Variants in MTAP observed in about 807,000 individuals in gnomAD.
MTAP encodes S-methyl-5'-thioadenosine phosphorylase.
Under a neutral mutation model 33.6 loss-of-function variants are expected in MTAP, and 33 were observed. That is an observed-to-expected ratio of 0.98 (90% CI 0.74 to 1.31). The LOEUF (loss-of-function observed/expected upper bound fraction) is 1.31, where lower values mean the gene tolerates loss of function less well. Ranked by LOEUF, MTAP falls within the 40% of genes most tolerant of loss-of-function variation. The probability of loss-of-function intolerance (pLI) is 0.00; values close to 1 mark genes in which losing one functional copy is unlikely to be tolerated. For synonymous variants in MTAP, 148 were observed against 125.7 expected (o/e 1.18, Z -1.19); for missense variants, 367 against 360.0 (o/e 1.02, Z -0.16).
chr9:21,816,606 A>T lies in MTAP; in HGVS notation c.121-108A>T, dbSNP rs957063878. ...AGATCTTGCCTCTTCTCTAAGTTGTATCCTCAGACTCTTCAGATTCCATGA... is the reference window on the plus strand; with the variant it reads ...AGATCTTGCCTCTTCTCTAAGTTGTTTCCTCAGACTCTTCAGATTCCATGA... On this transcript the variant is annotated intron_variant, in intron 2 of 7. Transcript: ENST00000644715. 3.3e-5 allele frequency: 29 copies of T among 873,112 alleles called. No individual in the cohort carries two copies. The African/African-American group carries it at 5.0e-4, about 15-fold the overall frequency. The allele number at this position is 873,112 out of a possible 1,614,324, so 54.1% of individuals were successfully genotyped here.
At chr9:21,921,229 G>T (rs191771729) in intron 1 of MTAP, among the ~76,000 whole-genome samples, 1 of 151,632 alleles carries the variant, frequency 6.6e-6, no homozygotes, top group South Asian at 2.1e-4. Context: ...ATGATTCTTT[G>T]TATTTCTGTG....
intron 1 of MTAP, among the ~76,000 whole-genome samples, chr9:21,910,348 A>G (rs937300304): frequency 6.6e-6 from 1 of 152,194 alleles, no homozygotes; most frequent in Non-Finnish European, 1.5e-5. Context: ...TATATAGTAT[A>G]TTTGAAAGTG....
intron 1 of MTAP, among the ~76,000 whole-genome samples, chr9:21,919,872 C>G (rs1483662098): frequency 6.6e-6 from 1 of 152,112 alleles, no homozygotes; most frequent in Non-Finnish European, 1.5e-5. Context: ...GTGTGGCTTG[C>G]TGCCAGCACT....
chr9:21,895,303 T>C (rs1818272198), intron 1 of MTAP, among the ~76,000 whole-genome samples: 1 of 152,108 alleles, frequency 6.6e-6, no homozygotes, highest in South Asian at 2.1e-4. Flanking sequence ...GTAACCAAAA[T>C]AGCATGGTAC....
At chr9:21,819,069 G>A (rs186705523) in intron 4 of MTAP, among the ~76,000 whole-genome samples, 2 of 151,756 alleles carry the variant, frequency 1.3e-5, no homozygotes, top group South Asian at 4.2e-4. Context: ...CCATGTTGTG[G>A]CAATTGACAG....
intron 1 of MTAP, among the ~76,000 whole-genome samples, chr9:21,810,913 CAGTT>C (rs1824329459): frequency 1.3e-5 from 2 of 152,330 alleles, no homozygotes; most frequent in South Asian, 2.1e-4. Context: ...CAGCCTGAGA[CAGTT>C]GGTTGCTCCC....
intron 5 of MTAP, among the ~76,000 whole-genome samples, chr9:21,845,654 C>T (rs1387874022): frequency 6.6e-6 from 1 of 152,048 alleles, no homozygotes; most frequent in East Asian, 1.9e-4. Flanking sequence ...CACCATCATT[C>T]TTCACAGAAA....
At chr9:21,867,605 T>C (rs1044167501), downstream of MTAP, among the ~76,000 whole-genome samples, 1 of 152,144 alleles carries the variant, frequency 6.6e-6, no homozygotes, top group Non-Finnish European at 1.5e-5. Flanking sequence ...GACAGATTGG[T>C]CTGTGATTTT....
chr9:21,910,333 T>G (rs1324626426), intron 1 of MTAP, among the ~76,000 whole-genome samples: 1 of 151,040 alleles, frequency 6.6e-6, no homozygotes, highest in Non-Finnish European at 1.5e-5. Flanking sequence ...AAAAAAGAAA[T>G]AAATTATATA....
intron 1 of MTAP, among the ~76,000 whole-genome samples, chr9:21,872,168 A>G (rs1825946893): frequency 6.6e-6 from 1 of 152,134 alleles, no homozygotes; most frequent in African/African-American, 2.4e-5. Flanking sequence ...CAAAAATTAA[A>G]CAGGCATGAT....
chr9:21,825,415 A>G (rs1397120530), intron 4 of MTAP, among the ~76,000 whole-genome samples: 1 of 152,180 alleles, frequency 6.6e-6, no homozygotes. Flanking sequence ...ATCATGTGGT[A>G]GTTGATATTT....
chr9:21,885,012 G>A (rs1818087003), intron 1 of MTAP, among the ~76,000 whole-genome samples: 1 of 152,134 alleles, frequency 6.6e-6, no homozygotes, highest in African/African-American at 2.4e-5. Flanking sequence ...AGAATATATG[G>A]TGGGAAGGGC....
chr9:21,821,027 T>G (rs180697389), intron 4 of MTAP, among the ~76,000 whole-genome samples: 325 of 152,356 alleles, frequency 2.1e-3, no homozygotes, highest in African/African-American at 7.6e-3. Flanking sequence ...GATTTTGGGC[T>G]GAGACGATGG....
At chr9:21,878,649 A>G (rs901762639) in intron 1 of MTAP, among the ~76,000 whole-genome samples, 1 of 152,148 alleles carries the variant, frequency 6.6e-6, no homozygotes, top group African/African-American at 2.4e-5. Flanking sequence ...GGCATGAGCC[A>G]CTGCACCCAG....
chr9:21,819,416 T>C (rs1056195424), intron 4 of MTAP, among the ~76,000 whole-genome samples: 2 of 152,200 alleles, frequency 1.3e-5, no homozygotes, highest in South Asian at 2.1e-4. Flanking sequence ...TTGGGATACT[T>C]TGCTGAGAAT....
chr9:21,869,585 T>G (rs1284380584), downstream of MTAP, among the ~76,000 whole-genome samples: 1 of 152,192 alleles, frequency 6.6e-6, no homozygotes, highest in Non-Finnish European at 1.5e-5. Flanking sequence ...CAACTTCCCC[T>G]ACACCTGCTT....
At chr9:21,849,304 C>T (rs933105406) in intron 5 of MTAP, among the ~76,000 whole-genome samples, 1 of 152,164 alleles carries the variant, frequency 6.6e-6, no homozygotes, top group African/African-American at 2.4e-5. Flanking sequence ...AATAATCAGA[C>T]ATTTCAGGGA....
intron 5 of MTAP, among the ~76,000 whole-genome samples, chr9:21,838,677 A>G (rs1455503892): frequency 6.6e-6 from 1 of 152,214 alleles, no homozygotes; most frequent in Non-Finnish European, 1.5e-5. Flanking sequence ...ACAGCCCCAC[A>G]AGGGCCAGTG....
chr9:21,867,417 CATCTGTTGAGAGA>C (rs1455770480), downstream of MTAP, among the ~76,000 whole-genome samples: 1 of 152,098 alleles, frequency 6.6e-6, no homozygotes, highest in African/African-American at 2.4e-5. Flanking sequence ...CTTTTTCCTG[CATCTGTTGAGAGA>C]ATCTTGACTT....
Sources: gnomAD v4.1 joint callset for allele counts (sites outside exome capture counted in the v4.1 genomes callset) on GRCh38, gnomAD v4.1.1 for gene constraint, MANE v1.5 for transcripts, NCBI Gene and HGNC (gene_info 2026-07-23, HGNC 2026-07-21) for gene names.